EBF3: variants seen among roughly 807,000 people sequenced by gnomAD.
EBF3 encodes EBF transcription factor 3, also known as transcription factor COE3.
EBF3 carries 18 observed loss-of-function variants against 77.1 expected under a neutral mutation model. The ratio of observed to expected loss-of-function variants is 0.23; its 90% CI spans 0.16 to 0.35. The LOEUF is 0.35. Among genes scored for constraint, EBF3 ranks in the 10% least tolerant of loss-of-function variants. The probability of loss-of-function intolerance (pLI) is 1.00; values close to 1 mark genes in which losing one functional copy is unlikely to be tolerated. For missense variants in EBF3, 558 were observed against 860.0 expected (o/e 0.65, Z 4.39); for synonymous variants, 350 against 343.5 (o/e 1.02, Z -0.21).
rs148723539 is a variant in EBF3, at chr10:129,878,969, G to A, written c.555-1120C>T. ...AGGGCTGGGGAGGTGAGGCCGAAGC[G>A]AGTGCTATTTCCATTTCCCGCCATG... On this transcript the variant is annotated intron_variant, in intron 6 of 16. Transcript: ENST00000440978. Among the ~76,000 whole-genome samples the A allele has an allele frequency of 8.1e-3, 1,240 of 152,232 alleles. 11 individuals carry two copies. Among genetic ancestry groups the A allele is most frequent in the Non-Finnish European group, 0.013 (882 of 68,018 alleles).
chr10:129,874,340 C>T (rs931425563), intron 7 of EBF3, among the ~76,000 whole-genome samples: 2 of 152,130 alleles, frequency 1.3e-5, no homozygotes, highest in African/African-American at 4.8e-5. Flanking sequence ...GATCACAGAT[C>T]AGGCCCTCTT....
intron 6 of EBF3, among the ~76,000 whole-genome samples, chr10:129,920,003 C>T: frequency 6.8e-6 from 1 of 146,192 alleles, no homozygotes; most frequent in Non-Finnish European, 1.5e-5. Flanking sequence ...GGGCCATAAA[C>T]CCGCCCCACT....
chr10:129,889,946 C>CTTTTTTTTTTTT (rs10665456), intron 6 of EBF3, among the ~76,000 whole-genome samples: 2 of 82,892 alleles, frequency 2.4e-5, no homozygotes, highest in Non-Finnish European at 4.3e-5. Flanking sequence ...ATTGAAGTGC[C>CTTTTTTTTTTTT]TTTTTTTTTT....
rs922058926 is a variant in EBF3 at position 129,841,565 on chromosome 10, G to A, written c.1373-533C>T. ...CAAAATCAGCAATAGTATGGGTGAG[G>A]TGTTTTCTAAGATCACTGCCTGCGC... On this transcript the variant is annotated intron_variant, in intron 13 of 16. Coordinates refer to ENST00000440978, the MANE Select transcript of EBF3 (RefSeq NM_001375380.1). This position sits in a 1 kb window ranked among gnomAD's most constrained non-coding sequence, Gnocchi z 4.6. Among the ~76,000 whole-genome samples, 9 of 152,158 alleles carry A rather than the reference G, an allele frequency of 5.9e-5. No homozygotes were observed. The highest frequency in any genetic ancestry group is 2.2e-4 in the African/African-American group (9 of 41,428).
chr10:129,869,324 G>A (rs1852247914), intron 8 of EBF3, among the ~76,000 whole-genome samples: 1 of 152,270 alleles, frequency 6.6e-6, no homozygotes, highest in South Asian at 2.1e-4. Context: ...GCAACCTCGA[G>A]GGCTACTGGC....
intron 14 of EBF3, 119 bp from the exon 15 acceptor site, chr10:129,840,561 G>T (rs563975578): frequency 6.8e-6 from 8 of 1,176,826 alleles, no homozygotes; most frequent in Admixed American, 2.3e-5. Context: ...CATGACATGC[G>T]TCTGGCTCGG....
At chr10:129,892,536 C>T (rs1389293909) in intron 6 of EBF3, among the ~76,000 whole-genome samples, 1 of 152,134 alleles carries the variant, frequency 6.6e-6, no homozygotes, top group Admixed American at 6.5e-5. Flanking sequence ...AGAGAGTGAG[C>T]CGTGTTGCAT....
intron 6 of EBF3, among the ~76,000 whole-genome samples, chr10:129,932,280 T>C (rs1379418680): frequency 3.3e-5 from 5 of 152,194 alleles, no homozygotes; most frequent in East Asian, 1.9e-4. Context: ...ACTTCTCACA[T>C]TGGGGCATTC....
At chr10:129,855,531 G>A (rs1029183479) in intron 10 of EBF3, among the ~76,000 whole-genome samples, 4 of 152,174 alleles carry the variant, frequency 2.6e-5, no homozygotes, top group African/African-American at 9.7e-5. Flanking sequence ...CGTGGCTTTC[G>A]CCTCTGGGGA....
intron 7 of EBF3, among the ~76,000 whole-genome samples, chr10:129,875,184 C>CTTTTTTTTTTTTTTTTTTT (rs1564846069): frequency 8.5e-6 from 1 of 117,624 alleles, no homozygotes; most frequent in Non-Finnish European, 1.7e-5. Context: ...GTGATGGCTT[C>CTTTTTTTTTTTTTTTTTTT]TTCTTTTTTT....
Position 129,953,016 on chromosome 10 carries a change from G to C in EBF3, c.554+4242C>G, listed in dbSNP as rs1284331994. On this transcript the variant is annotated intron_variant, in intron 6 of 16. Coordinates refer to ENST00000440978, the MANE Select transcript of EBF3 (RefSeq NM_001375380.1). The stretch of plus-strand genomic sequence containing the variant: ...TTGACCTTTGTGACAGGAAGTGAAA[G>C]GAAACACTGTTGACTAAAAAAAAAA... Among the ~76,000 whole-genome samples, 3 of 141,230 alleles carry C rather than the reference G, an allele frequency of 2.1e-5. No homozygotes were observed. The East Asian group carries it at 6.2e-4, about 29-fold the overall frequency. 92.7% of individuals were successfully genotyped at this position (141,230 alleles called of 152,430 possible). A position where few individuals can be genotyped will look rare whatever the true frequency, so the allele number is the denominator to read the frequency against.
intron 6 of EBF3, among the ~76,000 whole-genome samples, chr10:129,927,823 T>C (rs1272256586): frequency 6.6e-6 from 1 of 152,168 alleles, no homozygotes; most frequent in Non-Finnish European, 1.5e-5. Context: ...CTCCTGGCCA[T>C]CCCACGTCTG....
intron 6 of EBF3, among the ~76,000 whole-genome samples, chr10:129,951,237 G>A (rs977285848): frequency 3.9e-5 from 6 of 152,208 alleles, no homozygotes; most frequent in South Asian, 2.1e-4. Flanking sequence ...GTAAGCATGC[G>A]TAACAGAACC....
rs1447530383 is a variant in EBF3 at position 129,848,237 on chromosome 10, G to T, written c.1128+155C>A. On this transcript the variant is annotated intron_variant, in intron 11 of 16. Transcript: ENST00000440978. The surrounding 1 kb of genome is among the most constrained non-coding windows in gnomAD (Gnocchi z 4.4). ...CACCTCTGAAGCTGGTCAGGTGCGG[G>T]CCCGGGCAGCTCCTCACACCTGTCG... is the stretch of plus-strand genomic sequence containing the variant. Among the ~76,000 whole-genome samples the T allele has an allele frequency of 6.6e-6, 1 of 152,176 alleles. No homozygotes were observed. The highest frequency in any genetic ancestry group is 1.9e-4 in the East Asian group (1 of 5,182).
rs948199605 is a variant in EBF3, at chr10:129,885,651, C to T, written c.555-7802G>A. Among the ~76,000 whole-genome samples the T allele has an allele frequency of 7.2e-5, 11 of 152,154 alleles. No individual in the cohort carries two copies. The highest frequency in any genetic ancestry group is 1.3e-4 in the Non-Finnish European group (9 of 68,034). The stretch of plus-strand genomic sequence containing the variant: ...CTGACATTATTTCCCCAGCAGATCA[C>T]GCGCCCTGTCAATCAGTCTGTATTT... On this transcript the variant is annotated intron_variant, in intron 6 of 16. Coordinates refer to ENST00000440978, the MANE Select transcript of EBF3 (RefSeq NM_001375380.1). This position sits in a 1 kb window ranked among gnomAD's most constrained non-coding sequence, Gnocchi z 4.0.
intron 6 of EBF3, among the ~76,000 whole-genome samples, chr10:129,916,399 A>G (rs573328169): frequency 6.6e-6 from 1 of 152,346 alleles, no homozygotes; most frequent in Non-Finnish European, 1.5e-5. Flanking sequence ...GACAATGCCT[A>G]GGAAATGCTT....
At position 129,921,190 on chromosome 10, in the gene EBF3, G is replaced by A. The variant is rs557165513; in HGVS notation, c.554+36068C>T. On this transcript the variant is annotated intron_variant, in intron 6 of 16. Transcript: ENST00000440978. Reference sequence around the variant, plus strand: ...ATCACTTTCGATGGTCAGGAAGAATGTGCTGGATCGCAGTGGGCAAGGGGT... The same window carrying A: ...ATCACTTTCGATGGTCAGGAAGAATATGCTGGATCGCAGTGGGCAAGGGGT... Among the ~76,000 whole-genome samples the A allele has an allele frequency of 5.9e-5, 9 of 151,606 alleles. No individual in the cohort carries two copies. The East Asian group carries it at 1.6e-3, about 27-fold the overall frequency.
At chr10:129,953,380 CA>C (rs1159789450) in intron 6 of EBF3, among the ~76,000 whole-genome samples, 1 of 152,062 alleles carries the variant, frequency 6.6e-6, no homozygotes, top group Non-Finnish European at 1.5e-5. Context: ...TTAAATATGA[CA>C]AAACTTCATC....
At position 129,963,955 on chromosome 10, in the gene EBF3, A is replaced by T. The variant is rs1859739712; in HGVS notation, c.-187T>A. ...ATACACCAGCGGCCGGGCGCTCCGG[A>T]CGGCCAGGGGCGCGGAGGCGGCTCC... On this transcript the variant is annotated 5_prime_UTR_variant, in exon 1 of 17. Transcript: ENST00000440978. This position sits in a 1 kb window ranked among gnomAD's most constrained non-coding sequence, Gnocchi z 7.1. 1.9e-6 allele frequency: 2 copies of T among 1,034,230 alleles called. No individual in the cohort carries two copies. Among genetic ancestry groups the T allele is most frequent in the Non-Finnish European group, 2.3e-6 (2 of 864,186 alleles). 64.1% of individuals were successfully genotyped at this position (1,034,230 alleles called of 1,614,324 possible).
Sources: allele counts gnomAD v4.1 joint callset (sites outside exome capture counted in the v4.1 genomes callset), GRCh38; gene constraint gnomAD v4.1.1; non-coding constraint Gnocchi (gnomAD v3.1); transcripts MANE v1.5; gene names NCBI Gene and HGNC (gene_info 2026-07-23, HGNC 2026-07-21).